LRP1B: variants seen among roughly 807,000 people sequenced by gnomAD.
The protein encoded by LRP1B is low-density lipoprotein receptor-related protein 1B.
LRP1B carries 217 observed loss-of-function variants against 556.6 expected under a neutral mutation model. The ratio of observed to expected loss-of-function variants is 0.39; its 90% CI spans 0.35 to 0.44. LRP1B has a LOEUF of 0.44. Among genes scored for constraint, LRP1B ranks in the 20% least tolerant of loss-of-function variants. LRP1B has a pLI of 1.00. For synonymous variants in LRP1B, 2,047 were observed against 1,865.8 expected, an observed-to-expected ratio of 1.10 and a Z score of -2.50; for missense variants, 5,053 against 5,620.8, an observed-to-expected ratio of 0.90 and a Z score of 3.23.
At chr2:141,769,223 G>A (rs1418825809) in intron 2 of LRP1B, among the ~76,000 whole-genome samples, 1 of 152,110 alleles carries the variant, frequency 6.6e-6, no homozygotes, top group Admixed American at 6.6e-5. Flanking sequence ...CAGAGTGGGT[G>A]ATCATTTAAA....
chr2:141,458,209 G>A (rs1218817899), intron 3 of LRP1B, among the ~76,000 whole-genome samples: 1 of 152,056 alleles, frequency 6.6e-6, no homozygotes, highest in Non-Finnish European at 1.5e-5. Context: ...AAAAATAATT[G>A]AGAACAAATA....
intron 1 of LRP1B, among the ~76,000 whole-genome samples, chr2:141,870,668 G>A (rs534303379): frequency 4.5e-4 from 69 of 151,968 alleles, no homozygotes; most frequent in African/African-American, 1.5e-3. Context: ...CAGAGCAGCA[G>A]GAATTAAGCA....
chr2:140,558,109 T>A (rs1015440753), intron 43 of LRP1B, among the ~76,000 whole-genome samples: 1 of 152,122 alleles, frequency 6.6e-6, no homozygotes, highest in Non-Finnish European at 1.5e-5. Context: ...ATGGAAAAGA[T>A]AATAACAAGT....
intron 32 of LRP1B, among the ~76,000 whole-genome samples, chr2:140,807,410 G>A (rs1331915405): frequency 6.6e-6 from 1 of 151,754 alleles, no homozygotes; most frequent in African/African-American, 2.4e-5. Context: ...GCACAATCTT[G>A]GCTCACTGCA....
chr2:141,433,125 G>C (rs1246187097), intron 3 of LRP1B, among the ~76,000 whole-genome samples: 1 of 151,908 alleles, frequency 6.6e-6, no homozygotes, highest in Non-Finnish European at 1.5e-5. Context: ...AACTTTACTT[G>C]TGATATCTTC....
In LRP1B at chr2:140,996,160, G is replaced by A. The variant is rs560536672; in HGVS notation, c.2504-2025C>T. Among the ~76,000 whole-genome samples the A allele has an allele frequency of 2.6e-5, 4 of 151,916 alleles. 1 individual carries two copies. The highest frequency in any genetic ancestry group is 2.6e-4 in the Admixed American group (4 of 15,216). On this transcript the variant is annotated intron_variant, in intron 15 of 90. Transcript: ENST00000389484. ...AGATTCTTCATTGTTCTTGACATAA[G>A]AATTTTTCTTTTTATTCTTAGCTCT...
intron 47 of LRP1B, among the ~76,000 whole-genome samples, chr2:140,529,002 G>T (rs1035748547): frequency 2.0e-5 from 3 of 151,864 alleles, no homozygotes; most frequent in Admixed American, 6.6e-5. Flanking sequence ...ATATTTCCTC[G>T]GGCTAAGAGT....
chr2:140,766,940 A>G (rs1689142339), intron 35 of LRP1B, among the ~76,000 whole-genome samples: 1 of 149,864 alleles, frequency 6.7e-6, no homozygotes, highest in South Asian at 2.1e-4. Flanking sequence ...CCATTCTCTG[A>G]GCACCAACAT....
In LRP1B at chr2:142,090,595, C is replaced by T. The variant is rs142595543; in HGVS notation, c.82+40053G>A. 5.8e-3 allele frequency among the ~76,000 whole-genome samples: 875 copies of T among 152,158 alleles called. 16 individuals carry two copies. Among genetic ancestry groups the T allele is most frequent in the African/African-American group, 0.02 (841 of 41,556 alleles). On this transcript the variant is annotated intron_variant, in intron 1 of 90. Coordinates refer to ENST00000389484, the MANE Select transcript of LRP1B (RefSeq NM_018557.3). ...AAAAATACTCCAAATAATCTCTCAC[C>T]AATTATTTCCACATTTTGAACTAAG...
chr2:140,267,396 C>T (rs1175955187), intron 86 of LRP1B, among the ~76,000 whole-genome samples: 1 of 151,860 alleles, frequency 6.6e-6, no homozygotes, highest in Non-Finnish European at 1.5e-5. Flanking sequence ...GCTCAAGTCC[C>T]AGATAAAAAA....
intron 2 of LRP1B, among the ~76,000 whole-genome samples, chr2:141,770,372 C>G (rs553163877): frequency 2.4e-4 from 37 of 152,242 alleles, no homozygotes; most frequent in African/African-American, 8.9e-4. Context: ...TATATCACAT[C>G]AAAGCTGAGA....
intron 1 of LRP1B, among the ~76,000 whole-genome samples, chr2:141,924,135 C>T (rs10928130): frequency 0.86 from 130,941 of 151,814 alleles, 56,623 homozygotes; most frequent in East Asian, 1. Flanking sequence ...CCCACTATCC[C>T]GTACCCATAT....
At chr2:141,652,520 G>A (rs1015135452) in intron 2 of LRP1B, among the ~76,000 whole-genome samples, 4 of 152,178 alleles carry the variant, frequency 2.6e-5, no homozygotes, top group African/African-American at 9.7e-5. Flanking sequence ...TTGAGTCTCA[G>A]TCAGACTGAT....
intron 11 of LRP1B, among the ~76,000 whole-genome samples, chr2:141,021,314 CAT>C (rs1558805529): frequency 6.6e-6 from 1 of 151,982 alleles, no homozygotes; most frequent in East Asian, 1.9e-4. Flanking sequence ...TGCTAATCAA[CAT>C]GTGTTGTGAT....
intron 43 of LRP1B, among the ~76,000 whole-genome samples, chr2:140,545,626 C>A (rs140586531): frequency 1.2e-4 from 18 of 152,166 alleles, no homozygotes; most frequent in South Asian, 4.1e-4. Context: ...AATCTCTATT[C>A]TGTTGCATTG....
intron 35 of LRP1B, among the ~76,000 whole-genome samples, chr2:140,724,720 G>GA (rs1248982990): frequency 2.0e-5 from 3 of 151,868 alleles, no homozygotes; most frequent in Non-Finnish European, 2.9e-5. Flanking sequence ...TTGCTATATA[G>GA]AAAAAAAGCT....
chr2:140,907,913 C>G lies in LRP1B; in HGVS notation c.3484G>C (p.Asp1162His), dbSNP rs767188486. 1 of 1,613,552 alleles carries G rather than the reference C, an allele frequency of 6.2e-7. No individual in the cohort carries two copies. Among genetic ancestry groups the G allele is most frequent in the Admixed American group, 1.7e-5 (1 of 59,974 alleles). The change falls in exon 22 of 91, where the codon GAT becomes CAT. Residue 1162 changes from aspartate to histidine, a missense_variant. This residue lies in a region of LRP1B where 3,619 missense variants were observed against 3,931.9 expected (regional missense o/e 0.92). Coordinates refer to ENST00000389484, the MANE Select transcript of LRP1B (RefSeq NM_018557.3). ...CCTTCATCAGAGCCATCAGGACAAT[C>G]CTTTTTCCCATTGCAGAGTTTCTCT... is the stretch of plus-strand genomic sequence containing the variant. ...QPEKLCNGKK[D>H]CPDGSDEGYL...
At chr2:141,918,594 CCA>C (rs1700100857) in intron 1 of LRP1B, among the ~76,000 whole-genome samples, 1 of 152,054 alleles carries the variant, frequency 6.6e-6, no homozygotes, top group African/African-American at 2.4e-5. Flanking sequence ...ATTTCACAAA[CCA>C]CAGAGTTTTC....
chr2:141,541,666 G>T (rs1312184279), intron 2 of LRP1B, among the ~76,000 whole-genome samples: 3 of 151,968 alleles, frequency 2.0e-5, no homozygotes, highest in African/African-American at 4.8e-5. Context: ...AGATCAAGTT[G>T]TTATTCTTTG....
Sources: allele counts gnomAD v4.1 joint callset (sites outside exome capture counted in the v4.1 genomes callset), GRCh38; gene constraint gnomAD v4.1.1; regional missense constraint gnomAD v4.1.1; transcripts MANE v1.5; gene names NCBI Gene and HGNC (gene_info 2026-07-23, HGNC 2026-07-21).